Variants in ATG7 observed in about 807,000 individuals in gnomAD.
ATG7 encodes ubiquitin-like modifier-activating enzyme ATG7.
ATG7 carries 70 observed loss-of-function variants against 82.4 expected under a neutral mutation model. That is an observed-to-expected ratio of 0.85 (90% CI 0.70 to 1.04). The LOEUF (loss-of-function observed/expected upper bound fraction) is 1.04. Among genes scored for constraint, ATG7 ranks in the 50% least tolerant of loss-of-function variants. ATG7 has a pLI of 0.00. For missense variants in ATG7, 792 were observed against 864.3 expected (o/e 0.92, Z 1.05); for synonymous variants, 287 against 313.0 (o/e 0.92, Z 0.88).
chr3:11,362,978 G>C, intron 17 of ATG7, 50 bp downstream of exon 17: 1 of 1,512,778 alleles, frequency 6.6e-7, no homozygotes, highest in Non-Finnish European at 9.1e-7. Context: ...TTTGTAGGCA[G>C]TTGTTCATCA....
chr3:11,492,575 G>C (rs146833166), intron 20 of ATG7, among the ~76,000 whole-genome samples: 1 of 152,216 alleles, frequency 6.6e-6, no homozygotes, highest in East Asian at 1.9e-4. Flanking sequence ...TCAACTCCTC[G>C]CGGGAGGGAG....
intron 11 of ATG7, among the ~76,000 whole-genome samples, chr3:11,339,295 CAAAAAAA>C (rs1036935586): frequency 4.5e-5 from 4 of 89,698 alleles, no homozygotes; most frequent in African/African-American, 1.6e-4. Flanking sequence ...GACTCTGTTT[CAAAAAAA>C]AAAAAAAAAA....
In ATG7 at chr3:11,341,540, C is replaced by T. The variant is rs543205730; in HGVS notation, c.981-595C>T. On this transcript the variant is annotated intron_variant, in intron 12 of 20. Coordinates refer to ENST00000693202, the MANE Select transcript of ATG7 (RefSeq NM_001349232.2). ...TTGGCTCACTGCAACCTCTGCTTCC[C>T]GGGTTCAAGTGAATCTCCTGCCTCA... Among the ~76,000 whole-genome samples the T allele has an allele frequency of 1.7e-4, 25 of 145,864 alleles. No individual in the cohort carries two copies. In the East Asian group the frequency reaches 2.1e-3, roughly 12 times the overall value.
At chr3:11,420,118 ATT>A (rs1004661697) in intron 19 of ATG7, among the ~76,000 whole-genome samples, 3 of 152,114 alleles carry the variant, frequency 2.0e-5, no homozygotes, top group African/African-American at 7.2e-5. Flanking sequence ...TTTTAAATAC[ATT>A]TTCCTTTTTA....
At chr3:11,452,290 CAGG>C (rs2085266033) in intron 20 of ATG7, among the ~76,000 whole-genome samples, 1 of 141,506 alleles carries the variant, frequency 7.1e-6, no homozygotes, top group South Asian at 2.2e-4. Flanking sequence ...GAGGCTGAGG[CAGG>C]AGAATCACTT....
chr3:11,354,031 G>A (rs2075755674), intron 14 of ATG7, among the ~76,000 whole-genome samples: 1 of 152,160 alleles, frequency 6.6e-6, no homozygotes, highest in Non-Finnish European at 1.5e-5. Context: ...GAACTAGAGA[G>A]TTTGACATTT....
At chr3:11,413,840 G>A (rs1410861151) in intron 19 of ATG7, among the ~76,000 whole-genome samples, 1 of 152,160 alleles carries the variant, frequency 6.6e-6, no homozygotes, top group African/African-American at 2.4e-5. Flanking sequence ...ACTCACCAGT[G>A]GAACCATCAG....
chr3:11,381,036 G>C (rs1368837098), intron 19 of ATG7, among the ~76,000 whole-genome samples: 1 of 152,156 alleles, frequency 6.6e-6, no homozygotes, highest in African/African-American at 2.4e-5. Context: ...TGATAAATTT[G>C]GTTACGTTTA....
chr3:11,386,348 CTG>C (rs1424679284), intron 19 of ATG7, among the ~76,000 whole-genome samples: 1 of 152,114 alleles, frequency 6.6e-6, no homozygotes, highest in African/African-American at 2.4e-5. Flanking sequence ...ATTTAGATCA[CTG>C]TTAATTGGTG....
At chr3:11,476,128 G>A (rs112472642) in intron 20 of ATG7, among the ~76,000 whole-genome samples, 1 of 152,258 alleles carries the variant, frequency 6.6e-6, no homozygotes, top group Non-Finnish European at 1.5e-5. Context: ...CCTCTCCTTT[G>A]TACCCTAAGG....
At chr3:11,558,210 C>CAATTCATCATGGCTT (rs2072616587), downstream of ATG7, 1 of 354,648 alleles carries the variant, frequency 2.8e-6, no homozygotes, top group Non-Finnish European at 5.1e-6. Context: ...TCTGAGTCAC[C>CAATTCATCATGGCTT]AATTCATCAT....
At chr3:11,404,868 C>T (rs1304281347) in intron 19 of ATG7, among the ~76,000 whole-genome samples, 6 of 152,006 alleles carry the variant, frequency 3.9e-5, no homozygotes, top group African/African-American at 1.4e-4. Context: ...GAAAGACCCG[C>T]CCCCATGATT....
At chr3:11,437,368 A>G (rs1260795487) in intron 20 of ATG7, among the ~76,000 whole-genome samples, 6 of 152,174 alleles carry the variant, frequency 3.9e-5, no homozygotes, top group South Asian at 2.1e-4. Context: ...GGAGGGGCCT[A>G]CCAACCAAAT....
chr3:11,364,519 T>C, intron 17 of ATG7, 140 bp from the exon 18 acceptor site: 1 of 826,476 alleles, frequency 1.2e-6, no homozygotes, highest in Non-Finnish European at 1.9e-6. Flanking sequence ...CCCAGGGAAA[T>C]TAGTTTTTTG....
At chr3:11,299,244 G>A in intron 4 of ATG7, 118 bp from the exon 5 acceptor site, 2 of 963,424 alleles carry the variant, frequency 2.1e-6, no homozygotes, top group South Asian at 1.4e-5. Context: ...TAGATAATCA[G>A]AAATTGGATG....
At chr3:11,276,532 C>T (rs1434940403) in intron 1 of ATG7, among the ~76,000 whole-genome samples, 1 of 151,774 alleles carries the variant, frequency 6.6e-6, no homozygotes, top group African/African-American at 2.4e-5. Flanking sequence ...AGAGTTGCTT[C>T]CTGTACTTCC....
chr3:11,491,091 C>T (rs7652614), intron 20 of ATG7, among the ~76,000 whole-genome samples: 78,945 of 152,060 alleles, frequency 0.52, 21,423 homozygotes, highest in East Asian at 0.66. Flanking sequence ...CCATTTTCCC[C>T]GTCACTTTCA....
At chr3:11,291,645 T>C (rs1452296932) in intron 3 of ATG7, among the ~76,000 whole-genome samples, 1 of 152,230 alleles carries the variant, frequency 6.6e-6, no homozygotes, top group Admixed American at 6.5e-5. Flanking sequence ...CAGTTACTAA[T>C]ATGACATTAC....
At chr3:11,573,656 CCTT>C in the ATG7 span, among the ~76,000 whole-genome samples, 1 of 152,196 alleles carries the variant, frequency 6.6e-6, no homozygotes, top group Non-Finnish European at 1.5e-5. Flanking sequence ...TGAAATCACT[CCTT>C]CTTGTTGTTT....
Sources: allele counts gnomAD v4.1 joint callset (sites outside exome capture counted in the v4.1 genomes callset), GRCh38; gene constraint gnomAD v4.1.1; transcripts MANE v1.5; gene names NCBI Gene and HGNC (gene_info 2026-07-23, HGNC 2026-07-21).